Variants in CNTN5 observed in about 807,000 individuals in gnomAD.
The protein encoded by CNTN5 is contactin-5.
In CNTN5, 77 loss-of-function variants were observed where a neutral mutation model predicts 129.1. The observed-to-expected ratio is 0.60, with a 90% CI of 0.50 to 0.72. The LOEUF (loss-of-function observed/expected upper bound fraction) is 0.72, where lower values mean the gene tolerates loss of function less well. Among genes scored for constraint, CNTN5 ranks in the 30% least tolerant of loss-of-function variants. CNTN5 has a pLI of 0.00. For missense variants in CNTN5, 1,478 were observed against 1,328.8 expected (o/e 1.11, Z -1.75); for synonymous variants, 509 against 465.6 (o/e 1.09, Z -1.20).
intron 6 of CNTN5, among the ~76,000 whole-genome samples, chr11:99,869,905 C>G (rs534619243): frequency 1.3e-5 from 2 of 152,208 alleles, no homozygotes; most frequent in African/African-American, 4.8e-5. Context: ...AAGTTTTGAG[C>G]AGTTTTAGCC....
chr11:100,202,564 A>T (rs1948806886), intron 15 of CNTN5, among the ~76,000 whole-genome samples: 1 of 150,662 alleles, frequency 6.6e-6, no homozygotes, highest in African/African-American at 2.4e-5. Context: ...TATTTATATT[A>T]AAAGCAGCCG....
At chr11:99,315,860 G>A (rs1373280818) in intron 1 of CNTN5, among the ~76,000 whole-genome samples, 1 of 142,606 alleles carries the variant, frequency 7.0e-6, no homozygotes. Context: ...AAAGCCACTG[G>A]TAACCTTAGC....
At chr11:99,756,138 A>G (rs956818482) in intron 3 of CNTN5, among the ~76,000 whole-genome samples, 8 of 152,130 alleles carry the variant, frequency 5.3e-5, no homozygotes, top group Non-Finnish European at 1.0e-4. Flanking sequence ...CAAGAATACT[A>G]TGAATAAAAT....
intron 1 of CNTN5, among the ~76,000 whole-genome samples, chr11:99,241,257 G>A (rs941297471): frequency 3.3e-5 from 5 of 149,858 alleles, no homozygotes; most frequent in African/African-American, 1.2e-4. Context: ...GGCAATATTT[G>A]CAGAGTTGCT....
chr11:99,531,676 C>A (rs529155052), intron 2 of CNTN5, among the ~76,000 whole-genome samples: 2 of 152,314 alleles, frequency 1.3e-5, no homozygotes, highest in East Asian at 3.9e-4. Flanking sequence ...ACCGTTCCAG[C>A]CGTGGCTGAA....
intron 3 of CNTN5, among the ~76,000 whole-genome samples, chr11:99,592,258 C>A (rs1333434306): frequency 6.6e-6 from 1 of 152,072 alleles, no homozygotes; most frequent in Non-Finnish European, 1.5e-5. Context: ...GATGAGATTT[C>A]CTAGAGAGGG....
At chr11:99,130,952 G>A in intron 1 of CNTN5, among the ~76,000 whole-genome samples, 1 of 152,136 alleles carries the variant, frequency 6.6e-6, no homozygotes, top group Non-Finnish European at 1.5e-5. Flanking sequence ...CTGGGAAGCA[G>A]CTAAAGCAGT....
intron 1 of CNTN5, among the ~76,000 whole-genome samples, chr11:99,312,107 G>A (rs1033594196): frequency 1.3e-5 from 2 of 152,210 alleles, no homozygotes; most frequent in South Asian, 2.1e-4. Context: ...CAGAAATGTA[G>A]TACAGAAAAT....
chr11:99,338,430 G>A (rs1257044605), intron 2 of CNTN5, among the ~76,000 whole-genome samples: 1 of 152,156 alleles, frequency 6.6e-6, no homozygotes, highest in Non-Finnish European at 1.5e-5. Context: ...TTCCATTAGG[G>A]GGTTGGAACA....
chr11:100,063,800 T>TC (rs1364399806), intron 10 of CNTN5, among the ~76,000 whole-genome samples: 1 of 151,284 alleles, frequency 6.6e-6, no homozygotes, highest in Non-Finnish European at 1.5e-5. Context: ...GGTGGGAGAA[T>TC]CACCTGAACC....
At chr11:99,226,306 C>G (rs17133301) in intron 1 of CNTN5, among the ~76,000 whole-genome samples, 2,647 of 152,164 alleles carry the variant, frequency 0.017, 42 homozygotes, top group African/African-American at 0.038. Context: ...CACATATTTT[C>G]GTATACATTT....
In CNTN5 at chr11:100,341,112, C is replaced by G; in HGVS notation, c.2937C>G (p.Ser979Arg). 1 of 1,613,466 alleles carries G rather than the reference C, an allele frequency of 6.2e-7. No individual in the cohort carries two copies. The highest frequency in any genetic ancestry group is 8.5e-7 in the Non-Finnish European group (1 of 1,179,424). ...TKKSPPSQAPSNLRWEQQGSQ... is the reference protein window; with the variant it reads ...TKKSPPSQAPRNLRWEQQGSQ... ...TTGCAGCTCCTAGTCAAGCACCTAG[C>G]AACCTCAGGTGGGAGCAGCAAGGCT... The change falls in exon 23 of 25, where the codon AGC (serine) becomes AGG (arginine). Residue 979 changes from serine to arginine, a missense_variant. Transcript: ENST00000524871.
intron 6 of CNTN5, among the ~76,000 whole-genome samples, chr11:99,890,273 GAAACA>G (rs1286489886): frequency 1.3e-5 from 2 of 152,020 alleles, no homozygotes; most frequent in African/African-American, 4.8e-5. Flanking sequence ...AGAACAATGA[GAAACA>G]AAAGAAAGTA....
chr11:99,764,972 C>A (rs1944703901), intron 3 of CNTN5, among the ~76,000 whole-genome samples: 1 of 152,036 alleles, frequency 6.6e-6, no homozygotes, highest in Non-Finnish European at 1.5e-5. Flanking sequence ...TTCTTTCTGT[C>A]ATAGTCACAT....
chr11:100,044,092 G>A (rs1312551619), intron 9 of CNTN5, among the ~76,000 whole-genome samples: 1 of 116,044 alleles, frequency 8.6e-6, no homozygotes, highest in East Asian at 3.0e-4. Context: ...ATTCCACAGT[G>A]TATATATACA....
chr11:100,092,666 C>T (rs1343750131), intron 13 of CNTN5, among the ~76,000 whole-genome samples: 1 of 152,124 alleles, frequency 6.6e-6, no homozygotes, highest in Non-Finnish European at 1.5e-5. Flanking sequence ...CACATTAAAG[C>T]TGTTATATCT....
At chr11:99,356,842 T>A (rs886945518) in intron 2 of CNTN5, among the ~76,000 whole-genome samples, 1 of 152,200 alleles carries the variant, frequency 6.6e-6, no homozygotes, top group Admixed American at 6.5e-5. Flanking sequence ...AGGAAATAAT[T>A]AGGTTCTGTA....
At chr11:99,487,995 A>T (rs1341996096) in intron 2 of CNTN5, among the ~76,000 whole-genome samples, 1 of 152,180 alleles carries the variant, frequency 6.6e-6, no homozygotes, top group Non-Finnish European at 1.5e-5. Flanking sequence ...GGATCATTGT[A>T]TTTAATCCTA....
chr11:99,434,714 A>G lies in CNTN5; in HGVS notation c.-71+109230A>G, dbSNP rs985768021. ...AGATAAAGTGATTTGTCTTTAACAG[A>G]TGTGTTTCTTTTAAATTATTCATTT... On this transcript the variant is annotated intron_variant, in intron 2 of 24. Coordinates refer to ENST00000524871, the MANE Select transcript of CNTN5 (RefSeq NM_014361.4). Among the ~76,000 whole-genome samples, 15 of 152,246 alleles carry G rather than the reference A, an allele frequency of 9.9e-5. No individual in the cohort carries two copies. In the East Asian group the frequency reaches 2.7e-3, roughly 27 times the overall value.
Sources: allele counts gnomAD v4.1 joint callset (sites outside exome capture counted in the v4.1 genomes callset), GRCh38; gene constraint gnomAD v4.1.1; transcripts MANE v1.5; gene names NCBI Gene and HGNC (gene_info 2026-07-23, HGNC 2026-07-21).